DOP1A: variants seen among roughly 807,000 people sequenced by gnomAD.
DOP1A encodes the protein DOP1 leucine zipper like protein A.
A neutral mutation model predicts 267.6 loss-of-function variants in DOP1A; 90 were observed. The observed-to-expected ratio is 0.34, with a 90% CI of 0.28 to 0.40. DOP1A has a LOEUF of 0.40. Ranked by LOEUF, DOP1A falls within the 10% of genes least tolerant of loss-of-function variation. DOP1A has a pLI of 1.00. For missense variants in DOP1A, 2,437 were observed against 2,900.4 expected (o/e 0.84, Z 3.67); for synonymous variants, 932 against 999.1 (o/e 0.93, Z 1.27).
rs774148283 is a variant in DOP1A at position 83,128,926 on chromosome 6, G to A, written c.1759G>A (p.Glu587Lys). Residue 587 changes from glutamate (E) to lysine (K), a missense_variant, in exon 16 of 39, where the codon GAA (glutamate) becomes AAA (lysine). Physicochemically the swap from Glu to Lys is moderately conservative, Grantham distance 56. Coordinates refer to ENST00000349129, the MANE Select transcript of DOP1A (RefSeq NM_015018.4). ...VSHENPTEVF[E>K]DGENPPSSRS... ...TCATGAAAATCCTACTGAAGTGTTT[G>A]AAGATGGAGAAAATCCACCAAGTAG... 3 of 1,551,614 alleles carry A rather than the reference G, an allele frequency of 1.9e-6. No homozygotes were observed. Among genetic ancestry groups the A allele is most frequent in the Admixed American group, 3.9e-5 (2 of 50,980 alleles).
At position 83,166,117 on chromosome 6, in the gene DOP1A, G is replaced by C. The variant is rs1275122816; in HGVS notation, c.7093-1745G>C. On this transcript the variant is annotated intron_variant, in intron 38 of 38. Coordinates refer to ENST00000349129, the MANE Select transcript of DOP1A (RefSeq NM_015018.4). ...TGATTCATTATTGTTGCATAGAATA[G>C]AGAAAATGACACTTCAAAACAACGA... 4.4e-5 allele frequency: 19 copies of C among 430,288 alleles called. No homozygotes were observed. In the Admixed American group the frequency reaches 5.9e-4, roughly 13 times the overall value. The allele number at this position is 430,288 out of a possible 1,614,324, so 26.7% of individuals were successfully genotyped here.
At chr6:83,090,729 A>G (rs1208383786) in intron 1 of DOP1A, among the ~76,000 whole-genome samples, 1 of 152,216 alleles carries the variant, frequency 6.6e-6, no homozygotes, top group Non-Finnish European at 1.5e-5. Flanking sequence ...TTCACTACAG[A>G]TAGTTTGAGA....
intron 1 of DOP1A, among the ~76,000 whole-genome samples, chr6:83,076,075 A>G (rs1385196357): frequency 1.3e-5 from 2 of 152,202 alleles, no homozygotes; most frequent in African/African-American, 4.8e-5. Context: ...ATATTCATAA[A>G]TCATGTGTTT....
downstream of DOP1A, chr6:83,168,785 C>T: frequency 9.9e-7 from 1 of 1,007,226 alleles, no homozygotes; most frequent in Non-Finnish European, 1.2e-6. Flanking sequence ...TTTCTTAAGA[C>T]TCTGCAATGG....
chr6:83,152,363 C>G lies in DOP1A; in HGVS notation c.6125C>G (p.Ser2042Cys). The G allele has an allele frequency of 6.7e-7, 1 of 1,487,614 alleles. No individual in the cohort carries two copies. The highest frequency in any genetic ancestry group is 9.0e-7 in the Non-Finnish European group (1 of 1,111,774). 92.2% of individuals were successfully genotyped at this position (1,487,614 alleles called of 1,614,324 possible). A position where few individuals can be genotyped will look rare whatever the true frequency, so the allele number is the denominator to read the frequency against. Reference protein sequence around the residue: ...VYSVHALTLLSEVLAHLLDMV... With the variant: ...VYSVHALTLLCEVLAHLLDMV... ...AGTGTCCATGCATTGACATTACTCT[C>G]TGAGGTAAATATTAAGCTTTTTCAC... Residue 2042 changes from serine (S) to cysteine (C), a missense_variant, in exon 30 of 39, where the codon TCT becomes TGT. Around this residue, in one of 9 missense-constraint regions of DOP1A, gnomAD observed 216 missense variants for 283.3 expected, o/e 0.76. Coordinates refer to ENST00000349129, the MANE Select transcript of DOP1A (RefSeq NM_015018.4).
intron 1 of DOP1A, among the ~76,000 whole-genome samples, chr6:83,069,381 T>C (rs1785236138): frequency 6.6e-6 from 1 of 152,228 alleles, no homozygotes; most frequent in South Asian, 2.1e-4. Context: ...GTTATGCTGA[T>C]ACATGTAAAT....
chr6:83,126,591 CAA>C (rs1487992159), intron 15 of DOP1A, among the ~76,000 whole-genome samples: 2 of 152,016 alleles, frequency 1.3e-5, no homozygotes, highest in Non-Finnish European at 2.9e-5. Flanking sequence ...GGAAAATAAT[CAA>C]GTGGTAGGAA....
intron 33 of DOP1A, among the ~76,000 whole-genome samples, chr6:83,154,924 T>G (rs1782465099): frequency 6.6e-6 from 1 of 152,232 alleles, no homozygotes; most frequent in Non-Finnish European, 1.5e-5. Flanking sequence ...GGGCAGGATA[T>G]CTGTTTTATC....
chr6:83,166,405 A>G (rs1367199599), intron 38 of DOP1A: 2 of 702,250 alleles, frequency 2.8e-6, no homozygotes, highest in East Asian at 5.4e-5. Flanking sequence ...CTGTATGTTC[A>G]TTAGCAGTTC....
chr6:83,116,709 G>A (rs1775489629), intron 7 of DOP1A, among the ~76,000 whole-genome samples: 3 of 152,092 alleles, frequency 2.0e-5, no homozygotes, highest in African/African-American at 7.2e-5. Flanking sequence ...TACTCTGGAG[G>A]CTGAGGCAGG....
At chr6:83,099,023 G>C (rs1469242185) in intron 3 of DOP1A, among the ~76,000 whole-genome samples, 1 of 152,126 alleles carries the variant, frequency 6.6e-6, no homozygotes, top group Non-Finnish European at 1.5e-5. Context: ...CGAGACAGGG[G>C]AAGATTCCTG....
At position 83,137,417 on chromosome 6, in the gene DOP1A, A is replaced by AGG; in HGVS notation, c.3376_3377insGG (p.Val1126GlyfsTer7). 6.2e-7 allele frequency: 1 copy of AGG among 1,613,822 alleles called. No homozygotes were observed. The highest frequency in any genetic ancestry group is 8.5e-7 in the Non-Finnish European group (1 of 1,179,844). On this transcript the variant is annotated frameshift_variant, in exon 21 of 39. Coordinates refer to ENST00000349129, the MANE Select transcript of DOP1A (RefSeq NM_015018.4). LOFTEE classifies it high-confidence loss of function. Reference sequence around the variant, plus strand: ...CTGCTGGGGACAACTTGAGTTACGAAGTTGATCCTGAAACCGTGAATGCCC... The same window carrying AGG: ...CTGCTGGGGACAACTTGAGTTACGAAGGGTTGATCCTGAAACCGTGAATGCCC...
intron 5 of DOP1A, 108 bp from the exon 6 acceptor site, chr6:83,110,017 T>C (rs1198581223): frequency 5.1e-6 from 6 of 1,166,348 alleles, no homozygotes; most frequent in Non-Finnish European, 7.0e-6. Flanking sequence ...GGGTGGAACA[T>C]ATGACTGTAG....
At chr6:83,103,775 A>G (rs1460990239) in intron 4 of DOP1A, among the ~76,000 whole-genome samples, 1 of 152,204 alleles carries the variant, frequency 6.6e-6, no homozygotes, top group Non-Finnish European at 1.5e-5. Context: ...ATTCAATAAA[A>G]TGAACAGATT....
chr6:83,110,313 T>C lies in DOP1A; in HGVS notation c.680T>C (p.Met227Thr). 1 of 1,612,630 alleles carries C rather than the reference T, an allele frequency of 6.2e-7. No homozygotes were observed. ...LYIIGSDIEL[M>T]VEAVSTSVQD... The stretch of plus-strand genomic sequence containing the variant: ...ATAATTGGCAGTGATATTGAGCTAA[T>C]GGTAGGTCTAAAAATATGGTTGCTC... The change falls in exon 6 of 39, where the codon ATG becomes ACG. Residue 227 changes from methionine (M) to threonine (T), a missense_variant and splice_region_variant. Transcript: ENST00000349129.
At chr6:83,123,984 C>T (rs1341818364) in intron 12 of DOP1A, among the ~76,000 whole-genome samples, 2 of 152,038 alleles carry the variant, frequency 1.3e-5, no homozygotes, top group African/African-American at 4.8e-5. Context: ...AATACTCTTT[C>T]CCCTTGCCTA....
intron 1 of DOP1A, among the ~76,000 whole-genome samples, chr6:83,076,033 G>A (rs1767023961): frequency 6.6e-6 from 1 of 152,162 alleles, no homozygotes; most frequent in Non-Finnish European, 1.5e-5. Flanking sequence ...GAGTACAAGA[G>A]AGTGAAAAAG....
Position 83,077,164 on chromosome 6 carries a change from GTGAATGTAC to G in DOP1A, c.-147+9387_-147+9395del, listed in dbSNP as rs367819607. On this transcript the variant is annotated intron_variant, in intron 1 of 38. Transcript: ENST00000349129. ...TTCTGGAGATTGGTTGCACAATAAT[GTGAATGTAC>G]TTAACACTACTGAACTGTACACTCA... 3.9e-3 allele frequency among the ~76,000 whole-genome samples: 594 copies of G among 152,300 alleles called. 1 individual carries two copies. The highest frequency in any genetic ancestry group is 0.014 in the African/African-American group (564 of 41,566).
At chr6:83,118,852 T>C in intron 7 of DOP1A, 36 bp from the exon 8 acceptor site, 7 of 1,575,782 alleles carry the variant, frequency 4.4e-6, no homozygotes, top group Non-Finnish European at 6.1e-6. Context: ...ATATATTGTA[T>C]ATTGCTAAGT....
Sources: allele counts gnomAD v4.1 joint callset (sites outside exome capture counted in the v4.1 genomes callset), GRCh38; gene constraint gnomAD v4.1.1; regional missense constraint gnomAD v4.1.1; transcripts MANE v1.5; gene names NCBI Gene and HGNC (gene_info 2026-07-23, HGNC 2026-07-21).